The following RABL3 variants were observed in gnomAD, a reference collection of about 807,000 sequenced individuals.
RABL3 encodes RAB, member of RAS oncogene family like 3, also known as rab-like protein 3.
A neutral mutation model predicts 31.8 loss-of-function variants in RABL3; 31 were observed. The observed-to-expected ratio is 0.97, with a 90% CI of 0.73 to 1.31. The LOEUF is 1.31. RABL3 is among the 40% of genes most tolerant of loss of function. The probability of loss-of-function intolerance (pLI) is 0.00; values close to 1 mark genes in which losing one functional copy is unlikely to be tolerated. For synonymous variants in RABL3, 97 were observed against 99.9 expected, an observed-to-expected ratio of 0.97 and a Z score of 0.18; for missense variants, 263 against 279.6, an observed-to-expected ratio of 0.94 and a Z score of 0.42.
At chr3:120,731,568 C>A (rs961528984) in intron 1 of RABL3, among the ~76,000 whole-genome samples, 1 of 152,112 alleles carries the variant, frequency 6.6e-6, no homozygotes, top group African/African-American at 2.4e-5. Context: ...TGAGCTCTTC[C>A]TCTACATCCA....
intron 4 of RABL3, among the ~76,000 whole-genome samples, chr3:120,705,356 A>G (rs966167426): frequency 1.6e-4 from 24 of 152,228 alleles, no homozygotes; most frequent in African/African-American, 5.8e-4. Context: ...TAGCTAAACA[A>G]TTATGAAAAA....
At chr3:120,712,902 TA>T (rs1409611926) in intron 2 of RABL3, among the ~76,000 whole-genome samples, 1 of 152,066 alleles carries the variant, frequency 6.6e-6, no homozygotes, top group East Asian at 1.9e-4. Flanking sequence ...GGAAGTTTGT[TA>T]AAAAATACAG....
chr3:120,733,334 T>C (rs190735200), intron 1 of RABL3, among the ~76,000 whole-genome samples: 1,662 of 152,346 alleles, frequency 0.011, 38 homozygotes, highest in African/African-American at 0.037. Flanking sequence ...CATTTTTTCA[T>C]GTGTCTTTTG....
intron 1 of RABL3, among the ~76,000 whole-genome samples, chr3:120,735,937 C>T (rs13081098): frequency 6.6e-6 from 1 of 152,152 alleles, no homozygotes; most frequent in Non-Finnish European, 1.5e-5. Flanking sequence ...TGTTCTTTTA[C>T]ATTTACTGAG....
At chr3:120,698,279 CA>C (rs1464028712) in intron 5 of RABL3, 143 bp downstream of exon 5, 3 of 756,950 alleles carry the variant, frequency 4.0e-6, no homozygotes, top group South Asian at 1.8e-5. Flanking sequence ...ATGTTGATTC[CA>C]ATCTTGACTA....
chr3:120,733,133 G>A (rs914495964), intron 1 of RABL3, among the ~76,000 whole-genome samples: 1 of 152,064 alleles, frequency 6.6e-6, no homozygotes, highest in Admixed American at 6.6e-5. Context: ...TTGAGAAATC[G>A]CCCCACTCTC....
rs1028579198 is a variant in RABL3, at chr3:120,689,723, T to C, written c.*100A>G. 17 of 830,286 alleles carry C rather than the reference T, an allele frequency of 2.0e-5. No individual in the cohort carries two copies. The highest frequency in any genetic ancestry group is 4.5e-4 in the Middle Eastern group (2 of 4,396). 51.4% of individuals were successfully genotyped at this position (830,286 alleles called of 1,614,324 possible). On this transcript the variant is annotated 3_prime_UTR_variant, in exon 8 of 8. Transcript: ENST00000273375. ...AAGGCTGAAGGGTAGCATTTTAAGA[T>C]GATTTTGTTAAAAGGCTGTGATGGT...
chr3:120,702,845 CCG>C (rs543212033), intron 4 of RABL3, among the ~76,000 whole-genome samples: 176 of 152,300 alleles, frequency 1.2e-3, no homozygotes, highest in Middle Eastern at 3.4e-3. Context: ...GCGTGAGCCA[CCG>C]CGCCGGGCCC....
rs968011089 is a variant in RABL3, at chr3:120,686,295, C to T, written c.*3528G>A. ...CTTTAAACTTCTTAAAATATGATGT[C>T]ACCTGTGCTTTAAAAAATTCAATTA... On this transcript the variant is annotated 3_prime_UTR_variant, in exon 8 of 8. Coordinates refer to ENST00000273375, the MANE Select transcript of RABL3 (RefSeq NM_173825.5). 6.6e-6 allele frequency among the ~76,000 whole-genome samples: 1 copy of T among 152,156 alleles called. No individual in the cohort carries two copies. Among genetic ancestry groups the T allele is most frequent in the Admixed American group, 6.5e-5 (1 of 15,278 alleles).
At chr3:120,703,337 T>C (rs954008714) in intron 4 of RABL3, among the ~76,000 whole-genome samples, 1 of 152,158 alleles carries the variant, frequency 6.6e-6, no homozygotes, top group African/African-American at 2.4e-5. Flanking sequence ...AACACATTTC[T>C]AAACAGCCTA....
intron 3 of RABL3, among the ~76,000 whole-genome samples, chr3:120,708,738 T>C (rs898635171): frequency 3.3e-5 from 5 of 151,908 alleles, no homozygotes; most frequent in African/African-American, 1.2e-4. Flanking sequence ...CAAGGTCATC[T>C]TATAACTATT....
At chr3:120,718,432 C>T (rs187522121) in intron 2 of RABL3, among the ~76,000 whole-genome samples, 1 of 152,348 alleles carries the variant, frequency 6.6e-6, no homozygotes, top group Admixed American at 6.5e-5. Flanking sequence ...TATGTACTAG[C>T]TTCCTATTAG....
At chr3:120,728,819 C>G (rs144392972) in intron 2 of RABL3, among the ~76,000 whole-genome samples, 1 of 152,104 alleles carries the variant, frequency 6.6e-6, no homozygotes, top group Admixed American at 6.6e-5. Flanking sequence ...AGAGGAGAGG[C>G]AGAGAAGACT....
At chr3:120,726,548 C>G (rs919075181) in intron 2 of RABL3, among the ~76,000 whole-genome samples, 4 of 152,082 alleles carry the variant, frequency 2.6e-5, no homozygotes, top group African/African-American at 9.7e-5. Context: ...CGAGACCAGC[C>G]TAGCCAACAT....
chr3:120,703,939 C>T (rs753576077), intron 4 of RABL3, among the ~76,000 whole-genome samples: 18 of 152,134 alleles, frequency 1.2e-4, no homozygotes, highest in Non-Finnish European at 2.6e-4. Context: ...AAGAAACCTC[C>T]AGGCCCAGAT....
intron 4 of RABL3, among the ~76,000 whole-genome samples, chr3:120,700,324 T>C (rs890709452): frequency 2.0e-5 from 3 of 152,042 alleles, no homozygotes; most frequent in African/African-American, 4.8e-5. Context: ...TATTTAATTA[T>C]CACTTCAGAG....
Position 120,689,769 on chromosome 3 carries a change from T to G in RABL3, c.*54A>C. ...ATGGTAATAATTGAACACAGCAAGATGAGCTGTGAAAAACTGCCACTGCTT... is the reference window on the plus strand; with the variant it reads ...ATGGTAATAATTGAACACAGCAAGAGGAGCTGTGAAAAACTGCCACTGCTT... On this transcript the variant is annotated 3_prime_UTR_variant, in exon 8 of 8. Transcript: ENST00000273375. The G allele has an allele frequency of 5.3e-4, 616 of 1,154,790 alleles. No homozygotes were observed. Among genetic ancestry groups the G allele is most frequent in the Non-Finnish European group, 7.4e-4 (565 of 764,210 alleles). The allele number at this position is 1,154,790 out of a possible 1,614,324, so 71.5% of individuals were successfully genotyped here.
chr3:120,720,072 CAG>C (rs1337880103), intron 2 of RABL3, among the ~76,000 whole-genome samples: 3 of 152,232 alleles, frequency 2.0e-5, no homozygotes, highest in East Asian at 1.9e-4. Flanking sequence ...CCCAGGCAAA[CAG>C]GGTCTGGAGC....
intron 5 of RABL3, among the ~76,000 whole-genome samples, chr3:120,696,403 C>T (rs1708437529): frequency 2.0e-5 from 3 of 151,558 alleles, no homozygotes; most frequent in African/African-American, 7.3e-5. Flanking sequence ...TTTTTTCTTC[C>T]CTGCATTCTC....
Sources: allele counts gnomAD v4.1 joint callset (sites outside exome capture counted in the v4.1 genomes callset), GRCh38; gene constraint gnomAD v4.1.1; transcripts MANE v1.5; gene names NCBI Gene and HGNC (gene_info 2026-07-23, HGNC 2026-07-21).